The following PAWR variants were observed in gnomAD, a reference collection of about 807,000 sequenced individuals.
The protein encoded by PAWR is pro-apoptotic WT1 regulator, also known as PRKC apoptosis WT1 regulator protein.
Under a neutral mutation model 32.0 loss-of-function variants are expected in PAWR, and 23 were observed. The ratio of observed to expected loss-of-function variants is 0.72; its 90% CI spans 0.52 to 1.02. The LOEUF (loss-of-function observed/expected upper bound fraction) is 1.02, where lower values mean the gene tolerates loss of function less well. Among genes scored for constraint, PAWR ranks in the 50% least tolerant of loss-of-function variants. PAWR has a pLI of 0.00. For missense variants in PAWR, 457 were observed against 437.7 expected (o/e 1.04, Z -0.39); for synonymous variants, 226 against 187.1 (o/e 1.21, Z -1.70).
chr12:79,648,884 AAGT>A lies in PAWR; in HGVS notation c.517-27680_517-27678del, dbSNP rs1388019163. On this transcript the variant is annotated intron_variant, in intron 2 of 6. Coordinates refer to ENST00000328827, the MANE Select transcript of PAWR (RefSeq NM_002583.4). ...CCTCCTACACTTGGAATATCATAAA[AAGT>A]AGTAATTTTGTGAAACTGTAGGGAG... Among the ~76,000 whole-genome samples, 4 of 152,284 alleles carry A rather than the reference AAGT, an allele frequency of 2.6e-5. No individual in the cohort carries two copies. The East Asian group carries it at 7.7e-4, about 29-fold the overall frequency.
At chr12:79,680,984 G>A (rs1313811395) in intron 2 of PAWR, among the ~76,000 whole-genome samples, 2 of 151,670 alleles carry the variant, frequency 1.3e-5, no homozygotes, top group Admixed American at 6.6e-5. Flanking sequence ...ATGTGGTGGT[G>A]CAAGCCTGCA....
chr12:79,647,321 G>A (rs905458347), intron 2 of PAWR, among the ~76,000 whole-genome samples: 1 of 152,046 alleles, frequency 6.6e-6, no homozygotes, highest in Non-Finnish European at 1.5e-5. Context: ...ATGTGATTCT[G>A]GAAACTTTAA....
At chr12:79,640,291 C>T (rs1056625197) in intron 2 of PAWR, among the ~76,000 whole-genome samples, 1 of 152,042 alleles carries the variant, frequency 6.6e-6, no homozygotes, top group Non-Finnish European at 1.5e-5. Context: ...GTCCTAAATC[C>T]TCCACTTCTC....
At chr12:79,668,863 A>G (rs1052050067) in intron 2 of PAWR, among the ~76,000 whole-genome samples, 10 of 152,194 alleles carry the variant, frequency 6.6e-5, no homozygotes, top group African/African-American at 2.4e-4. Flanking sequence ...GAATACAAAT[A>G]TAAGGAGAGG....
At chr12:79,608,632 CTT>C (rs1471104062) in intron 4 of PAWR, among the ~76,000 whole-genome samples, 1 of 152,154 alleles carries the variant, frequency 6.6e-6, no homozygotes, top group East Asian at 1.9e-4. Flanking sequence ...ATGTAGAAGT[CTT>C]ATCATTTAAA....
At chr12:79,634,697 T>C (rs1248446732) in intron 2 of PAWR, among the ~76,000 whole-genome samples, 1 of 152,094 alleles carries the variant, frequency 6.6e-6, no homozygotes, top group African/African-American at 2.4e-5. Context: ...TGAGCACTTT[T>C]CCAAACTTTT....
chr12:79,641,199 T>A (rs191238271), intron 2 of PAWR, among the ~76,000 whole-genome samples: 1 of 152,304 alleles, frequency 6.6e-6, no homozygotes, highest in East Asian at 1.9e-4. Context: ...ATTCATTAAC[T>A]CAAAGGAACA....
chr12:79,594,364 C>T lies in PAWR; in HGVS notation c.901G>A (p.Gly301Arg), dbSNP rs768841083. ...AAATCAATTTCTTCTTTGAGTTTTC[C>T]AATCATTTCCTCTTTATCTTGCATC... ...RLMQDKEEMI[G>R]KLKEEIDLLN... Residue 301 changes from glycine to arginine, a missense_variant, in exon 6 of 7, where the codon GGA becomes AGA. Gly to Arg is a moderately radical substitution (Grantham distance 125). Coordinates refer to ENST00000328827, the MANE Select transcript of PAWR (RefSeq NM_002583.4). The T allele has an allele frequency of 9.7e-6, 15 of 1,552,832 alleles. No individual in the cohort carries two copies. In the South Asian group the frequency reaches 1.6e-4, roughly 17 times the overall value.
At chr12:79,632,332 T>TATATATATATAC (rs1875709988) in intron 2 of PAWR, among the ~76,000 whole-genome samples, 1 of 48,774 alleles carries the variant, frequency 2.1e-5, no homozygotes, top group Non-Finnish European at 3.1e-5. Context: ...TATATATATA[T>TATATATATATAC]ATATATATAT....
chr12:79,635,551 T>A (rs1030559391), intron 2 of PAWR: 1 of 152,142 alleles, frequency 6.6e-6, no homozygotes, highest in Non-Finnish European at 1.5e-5. Flanking sequence ...ACCACTTACC[T>A]ATAAAAACAA....
intron 2 of PAWR, among the ~76,000 whole-genome samples, chr12:79,632,382 G>A (rs1336990468): frequency 1.1e-5 from 1 of 94,734 alleles, no homozygotes; most frequent in Non-Finnish European, 1.8e-5. Flanking sequence ...TTTTTAGACA[G>A]GGTCTTGGCT....
rs532140187 is a variant in PAWR at position 79,613,586 on chromosome 12, G to T, written c.672C>A (p.Gly224=). The T allele has an allele frequency of 1.3e-6, 2 of 1,540,672 alleles. No homozygotes were observed. The highest frequency in any genetic ancestry group is 1.2e-5 in the South Asian group (1 of 85,268). ...LLQEPPRTVS[G]RYKSTTSVSE... The stretch of plus-strand genomic sequence containing the variant: ...ATAAGGATTCTTACCTTTTATATCT[G>T]CCTGAAACTGTTCTAGGTGGCTCCT... The change falls in exon 4 of 7, where the codon GGC becomes GGA. Residue 224 remains glycine, a synonymous_variant. Coordinates refer to ENST00000328827, the MANE Select transcript of PAWR (RefSeq NM_002583.4).
chr12:79,604,197 C>T, intron 4 of PAWR: 1 of 970,566 alleles, frequency 1.0e-6, no homozygotes, highest in South Asian at 4.8e-5. Context: ...TAACATTTTA[C>T]TTAGGAATGT....
At position 79,588,937 on chromosome 12, in the gene PAWR, A is replaced by G. The variant is rs1873467064; in HGVS notation, c.*3670T>C. ...GGTGCCTTAGTTGATGTGCCTGATA[A>G]GCAAACTGTTAGTTGTCTATTAGTA... is the stretch of plus-strand genomic sequence containing the variant. On this transcript the variant is annotated 3_prime_UTR_variant, in exon 7 of 7. Coordinates refer to ENST00000328827, the MANE Select transcript of PAWR (RefSeq NM_002583.4). 1 of 152,004 alleles carries G rather than the reference A, an allele frequency of 6.6e-6. No homozygotes were observed. The highest frequency in any genetic ancestry group is 2.1e-4 in the South Asian group (1 of 4,818). 9.4% of individuals were successfully genotyped at this position (152,004 alleles called of 1,614,324 possible).
intron 2 of PAWR, among the ~76,000 whole-genome samples, chr12:79,657,719 G>A (rs1455370014): frequency 2.6e-5 from 4 of 151,938 alleles, no homozygotes; most frequent in South Asian, 2.1e-4. Flanking sequence ...GCGTGAACCC[G>A]GGAGGTGGAG....
At chr12:79,672,398 T>A (rs1877948194) in intron 2 of PAWR, among the ~76,000 whole-genome samples, 1 of 152,178 alleles carries the variant, frequency 6.6e-6, no homozygotes. Flanking sequence ...GTCTGTTCCC[T>A]CCACCTAGAA....
chr12:79,680,154 G>C (rs540579639), intron 2 of PAWR, among the ~76,000 whole-genome samples: 1 of 152,186 alleles, frequency 6.6e-6, no homozygotes, highest in African/African-American at 2.4e-5. Context: ...AACAAGTTGA[G>C]AATAACACTA....
At chr12:79,624,153 T>C (rs756005098) in intron 2 of PAWR, among the ~76,000 whole-genome samples, 6 of 152,152 alleles carry the variant, frequency 3.9e-5, no homozygotes, top group Admixed American at 2.0e-4. Flanking sequence ...TAAATTATCA[T>C]AGATTAATAT....
intron 2 of PAWR, among the ~76,000 whole-genome samples, chr12:79,642,805 C>T (rs1343522825): frequency 6.6e-6 from 1 of 151,990 alleles, no homozygotes; most frequent in African/African-American, 2.4e-5. Context: ...CTTATTGGAA[C>T]CAAAAATAAA....
Sources: gnomAD v4.1 joint callset for allele counts (sites outside exome capture counted in the v4.1 genomes callset) on GRCh38, gnomAD v4.1.1 for gene constraint, MANE v1.5 for transcripts, NCBI Gene and HGNC (gene_info 2026-07-23, HGNC 2026-07-21) for gene names.